GLIS3: variants seen among roughly 807,000 people sequenced by gnomAD.
GLIS3 encodes GLIS family zinc finger 3.
Under a neutral mutation model 78.6 loss-of-function variants are expected in GLIS3, and 53 were observed. The ratio of observed to expected loss-of-function variants is 0.67; its 90% CI spans 0.54 to 0.85. GLIS3 has a LOEUF of 0.85. Among genes scored for constraint, GLIS3 ranks in the 40% least tolerant of loss-of-function variants. GLIS3 has a pLI of 0.00. For synonymous variants in GLIS3, 684 were observed against 509.9 expected (o/e 1.34, Z -4.60); for missense variants, 1,703 against 1,231.1 (o/e 1.38, Z -5.74).
At chr9:4,071,149 A>T (rs1827568735) in intron 4 of GLIS3, 1 of 152,218 alleles carries the variant, frequency 6.6e-6, no homozygotes, top group Admixed American at 6.5e-5. Flanking sequence ...GAATTTAACT[A>T]AGGAGACAAT....
intron 4 of GLIS3, among the ~76,000 whole-genome samples, chr9:3,988,690 T>C (rs769671824): frequency 6.6e-6 from 1 of 152,000 alleles, no homozygotes; most frequent in Non-Finnish European, 1.5e-5. Context: ...GCTGGAGCCA[T>C]CAAGCACGCA....
At chr9:4,260,881 T>A (rs1314913707) in intron 2 of GLIS3, among the ~76,000 whole-genome samples, 1 of 152,198 alleles carries the variant, frequency 6.6e-6, no homozygotes, top group African/African-American at 2.4e-5. Flanking sequence ...GGCTGTACTG[T>A]CTAATACGGT....
chr9:3,915,900 C>T (rs1025804234), intron 6 of GLIS3, among the ~76,000 whole-genome samples: 1 of 152,190 alleles, frequency 6.6e-6, no homozygotes, highest in Non-Finnish European at 1.5e-5. Context: ...GCATATCTCT[C>T]TTTCTTCCCC....
At chr9:4,059,835 A>T (rs369495468) in intron 4 of GLIS3, among the ~76,000 whole-genome samples, 1,597 of 60,572 alleles carry the variant, frequency 0.026, 13 homozygotes, top group South Asian at 0.065. Flanking sequence ...TGTGTGAGAG[A>T]GAGAGAGAGA....
At chr9:4,156,425 C>T (rs1177351647) in intron 2 of GLIS3, among the ~76,000 whole-genome samples, 1 of 152,162 alleles carries the variant, frequency 6.6e-6, no homozygotes. Context: ...CCTTATCCAC[C>T]CAATACACAC....
chr9:4,413,928 T>A, the GLIS3 span, among the ~76,000 whole-genome samples: 1 of 152,188 alleles, frequency 6.6e-6, no homozygotes, highest in African/African-American at 2.4e-5. Context: ...CTTATGGAAT[T>A]TAACTATACC....
At chr9:3,928,521 T>A (rs1326688999) in intron 6 of GLIS3, among the ~76,000 whole-genome samples, 1 of 152,240 alleles carries the variant, frequency 6.6e-6, no homozygotes, top group Non-Finnish European at 1.5e-5. Context: ...TAAGCTTATG[T>A]GATACTTAAT....
chr9:3,930,286 A>G (rs1391975804), intron 6 of GLIS3, among the ~76,000 whole-genome samples: 1 of 152,234 alleles, frequency 6.6e-6, no homozygotes, highest in African/African-American at 2.4e-5. Flanking sequence ...AGTGAACATC[A>G]AAAGCTAAGC....
At chr9:4,384,202 G>C in the GLIS3 span, among the ~76,000 whole-genome samples, 1 of 152,180 alleles carries the variant, frequency 6.6e-6, no homozygotes, top group African/African-American at 2.4e-5. Flanking sequence ...CACACTGGTG[G>C]TGAACACAGG....
chr9:4,291,886 A>G (rs1179095788), intron 1 of GLIS3, among the ~76,000 whole-genome samples: 1 of 152,110 alleles, frequency 6.6e-6, no homozygotes, highest in Non-Finnish European at 1.5e-5. Context: ...CACTACTTTC[A>G]CTAGTAATTA....
chr9:3,880,322 T>TGACCTCAAACGTGAATACGTGCCCATTA (rs1821642656), intron 7 of GLIS3, among the ~76,000 whole-genome samples: 2 of 152,230 alleles, frequency 1.3e-5, no homozygotes, highest in Non-Finnish European at 2.9e-5. Flanking sequence ...GAACGGTATG[T>TGACCTCAAACGTGAATACGTGCCCATTA]GACCTCAAAC....
intron 2 of GLIS3, among the ~76,000 whole-genome samples, chr9:4,132,639 A>T (rs1472539670): frequency 1.3e-5 from 2 of 152,166 alleles, no homozygotes; most frequent in Non-Finnish European, 1.5e-5. Flanking sequence ...AGATTAACCC[A>T]GTCCCCCATG....
At chr9:4,377,703 A>C in the GLIS3 span, among the ~76,000 whole-genome samples, 1 of 152,168 alleles carries the variant, frequency 6.6e-6, no homozygotes, top group Non-Finnish European at 1.5e-5. Flanking sequence ...GACACTAATA[A>C]TATTATTGTT....
At chr9:4,367,663 T>C in the GLIS3 span, among the ~76,000 whole-genome samples, 5 of 142,642 alleles carry the variant, frequency 3.5e-5, no homozygotes, top group African/African-American at 7.8e-5. Context: ...AAAAAAGTTC[T>C]CTATGTGAGC....
chr9:4,181,667 A>G (rs1817336007), intron 2 of GLIS3, among the ~76,000 whole-genome samples: 1 of 152,232 alleles, frequency 6.6e-6, no homozygotes, highest in Non-Finnish European at 1.5e-5. Context: ...CTATCTATAT[A>G]TTCTTTGAAG....
At chr9:3,877,537 T>G (rs1460146381) in intron 8 of GLIS3, among the ~76,000 whole-genome samples, 1 of 152,230 alleles carries the variant, frequency 6.6e-6, no homozygotes, top group Non-Finnish European at 1.5e-5. Flanking sequence ...TTATTCTGTC[T>G]TCTTCCCCTT....
chr9:3,847,558 G>A (rs1819136635), intron 9 of GLIS3, among the ~76,000 whole-genome samples: 1 of 152,208 alleles, frequency 6.6e-6, no homozygotes, highest in African/African-American at 2.4e-5. Flanking sequence ...CTGTGTGGGT[G>A]CACATGCACT....
At chr9:4,050,681 T>C (rs1472678163) in intron 4 of GLIS3, among the ~76,000 whole-genome samples, 1 of 152,210 alleles carries the variant, frequency 6.6e-6, no homozygotes, top group Admixed American at 6.5e-5. Context: ...GAACACGCTA[T>C]GTCATGTTAG....
chr9:4,217,435 G>A lies in GLIS3; in HGVS notation c.388+68603C>T, dbSNP rs966743557. On this transcript the variant is annotated intron_variant, in intron 2 of 10. Coordinates refer to ENST00000381971, the MANE Select transcript of GLIS3 (RefSeq NM_001042413.2). Reference sequence around the variant, plus strand: ...AAAGACAACTGACTCTTTCCAAGCGGGGACATCATGGGCAGACATTTCTAA... The same window carrying A: ...AAAGACAACTGACTCTTTCCAAGCGAGGACATCATGGGCAGACATTTCTAA... Among the ~76,000 whole-genome samples the A allele has an allele frequency of 4.6e-5, 7 of 152,266 alleles. No individual in the cohort carries two copies. In the South Asian group the frequency reaches 1.5e-3, roughly 32 times the overall value.
Sources: gnomAD v4.1 joint callset for allele counts (sites outside exome capture counted in the v4.1 genomes callset) on GRCh38, gnomAD v4.1.1 for gene constraint, MANE v1.5 for transcripts, NCBI Gene and HGNC (gene_info 2026-07-23, HGNC 2026-07-21) for gene names.